The following DGKD variants were observed in gnomAD, a reference collection of about 807,000 sequenced individuals.
DGKD encodes the protein DAG kinase delta.
A neutral mutation model predicts 154.4 loss-of-function variants in DGKD; 68 were observed. That is an observed-to-expected ratio of 0.44 (90% CI 0.36 to 0.54). The LOEUF (loss-of-function observed/expected upper bound fraction) is 0.54. DGKD is among the 20% of genes least tolerant of loss of function. The pLI, the probability that DGKD is intolerant of heterozygous loss-of-function variation, is 0.00. For missense variants in DGKD, 1,343 were observed against 1,593.6 expected, an observed-to-expected ratio of 0.84 and a Z score of 2.68; for synonymous variants, 693 against 638.0, an observed-to-expected ratio of 1.09 and a Z score of -1.30.
chr2:233,418,043 C>A (rs2062002917), intron 3 of DGKD, among the ~76,000 whole-genome samples: 1 of 152,192 alleles, frequency 6.6e-6, no homozygotes, highest in South Asian at 2.1e-4. Flanking sequence ...ATTAAATACA[C>A]TTTAGTTTTA....
intron 3 of DGKD, among the ~76,000 whole-genome samples, chr2:233,415,798 AT>A (rs1017909584): frequency 5.9e-5 from 9 of 151,702 alleles, no homozygotes; most frequent in Non-Finnish European, 1.2e-4. Flanking sequence ...TAATTTATAA[AT>A]TTTTTTTGTA....
rs1208930391 is a variant in DGKD at position 233,458,848 on chromosome 2, C to T, written c.2694+451C>T. ...ACCTCAAATGATCCACCCACCTTGGCCTCCCAAAGTGTTGGGATTACAGGT... is the reference window on the plus strand; with the variant it reads ...ACCTCAAATGATCCACCCACCTTGGTCTCCCAAAGTGTTGGGATTACAGGT... On this transcript the variant is annotated intron_variant, in intron 22 of 29. Coordinates refer to ENST00000264057, the MANE Select transcript of DGKD (RefSeq NM_152879.3). This position sits in a 1 kb window ranked among gnomAD's most constrained non-coding sequence, Gnocchi z 6.6. Among the ~76,000 whole-genome samples the T allele has an allele frequency of 6.6e-6, 1 of 152,128 alleles. No homozygotes were observed. The highest frequency in any genetic ancestry group is 1.5e-5 in the Non-Finnish European group (1 of 68,032).
chr2:233,376,621 C>T (rs943488778), intron 1 of DGKD, among the ~76,000 whole-genome samples: 1 of 151,916 alleles, frequency 6.6e-6, no homozygotes, highest in Non-Finnish European at 1.5e-5. Flanking sequence ...ACTTTAAGTT[C>T]TAGGGTCCTT....
Position 233,445,770 on chromosome 2 carries a change from G to A in DGKD, c.1334+8G>A, listed in dbSNP as rs1324969900. 1 of 1,607,918 alleles carries A rather than the reference G, an allele frequency of 6.2e-7. No individual in the cohort carries two copies. Among genetic ancestry groups the A allele is most frequent in the Non-Finnish European group, 8.5e-7 (1 of 1,176,750 alleles). ...CACCAAGATGCTGGACAGGTGAGTGGGGATGTGCTCCGGTGCCGTATGAGG... is the reference window on the plus strand; with the variant it reads ...CACCAAGATGCTGGACAGGTGAGTGAGGATGTGCTCCGGTGCCGTATGAGG... On this transcript the variant is annotated splice_region_variant and intron_variant, in intron 11 of 29. Coordinates refer to ENST00000264057, the MANE Select transcript of DGKD (RefSeq NM_152879.3). The surrounding 1 kb of genome is among the most constrained non-coding windows in gnomAD (Gnocchi z 5.5).
chr2:233,410,265 G>A (rs567759517), intron 3 of DGKD, among the ~76,000 whole-genome samples: 3 of 152,294 alleles, frequency 2.0e-5, no homozygotes, highest in Non-Finnish European at 4.4e-5. Flanking sequence ...AAGAAAGAGG[G>A]GGGGCTCAAG....
chr2:233,401,431 C>G (rs1252889903), intron 3 of DGKD, among the ~76,000 whole-genome samples: 1 of 152,134 alleles, frequency 6.6e-6, no homozygotes, highest in Non-Finnish European at 1.5e-5. Flanking sequence ...TGAATAATAA[C>G]TTTAATTGAA....
intron 1 of DGKD, among the ~76,000 whole-genome samples, chr2:233,373,091 A>G (rs1436883618): frequency 1.3e-5 from 2 of 152,070 alleles, no homozygotes; most frequent in African/African-American, 4.8e-5. Flanking sequence ...CTTCACCTTC[A>G]CAACTTCATG....
chr2:233,371,574 C>T (rs1008012551), intron 1 of DGKD, among the ~76,000 whole-genome samples: 4 of 152,140 alleles, frequency 2.6e-5, no homozygotes, highest in African/African-American at 4.8e-5. Context: ...TTTTGTTGCT[C>T]GTGCTTTTGG....
At chr2:233,387,316 C>T (rs1323471138) in intron 1 of DGKD, among the ~76,000 whole-genome samples, 1 of 152,178 alleles carries the variant, frequency 6.6e-6, no homozygotes, top group Non-Finnish European at 1.5e-5. Flanking sequence ...TTTTAGGAAG[C>T]CTCCCTCCAT....
Position 233,462,344 on chromosome 2 carries a change from C to G in DGKD, c.2982-4C>G. On this transcript the variant is annotated splice_polypyrimidine_tract_variant and splice_region_variant and intron_variant, in intron 24 of 29. Transcript: ENST00000264057. ...CATCTGCCCGTGCTTCTCTTCCTCT[C>G]TAGTATCCGAGAAATAGCTCAGTCT... 6.3e-7 allele frequency: 1 copy of G among 1,595,750 alleles called. No individual in the cohort carries two copies. Among genetic ancestry groups the G allele is most frequent in the South Asian group, 1.1e-5 (1 of 90,466 alleles).
In DGKD at chr2:233,445,722, T is replaced by G; in HGVS notation, c.1294T>G (p.Leu432Val). ...TGACGACACCCAGCTCCCCCAGATC[T>G]TGGAGAAGTTGGAGAGAGCCAGCAC... ...CDDDTQLPQI[L>V]EKLERASTKM... The change falls in exon 11 of 30, where the codon TTG becomes GTG. Residue 432 changes from leucine (L) to valine (V), a missense_variant. Coordinates refer to ENST00000264057, the MANE Select transcript of DGKD (RefSeq NM_152879.3). This position sits in a 1 kb window ranked among gnomAD's most constrained non-coding sequence, Gnocchi z 5.5. 1 of 1,613,390 alleles carries G rather than the reference T, an allele frequency of 6.2e-7. No homozygotes were observed. The highest frequency in any genetic ancestry group is 8.5e-7 in the Non-Finnish European group (1 of 1,179,672).
chr2:233,460,122 T>A, intron 23 of DGKD, 72 bp from the exon 24 acceptor site: 2 of 1,562,394 alleles, frequency 1.3e-6, no homozygotes, highest in Non-Finnish European at 1.7e-6. Context: ...CTCGTTGGCA[T>A]CCCCATAGTG....
chr2:233,392,341 A>T (rs1362209197), intron 3 of DGKD: 1 of 152,070 alleles, frequency 6.6e-6, no homozygotes, highest in African/African-American at 2.4e-5. Flanking sequence ...ATTAATTTAG[A>T]TGTTCATTTT....
At chr2:233,454,305 GCTAA>G (rs1160842037) in intron 18 of DGKD, 2 of 456,004 alleles carry the variant, frequency 4.4e-6, no homozygotes, top group Non-Finnish European at 9.0e-6. Flanking sequence ...AAAATGAAGC[GCTAA>G]CACATGTTAT....
rs1007931083 is a variant in DGKD, at chr2:233,457,747, G to C, written c.2580+419G>C. ...GCAGGCACATGGAGGATGGGAGAGA[G>C]GTGCCCCGACTGCAGTGGGCAGCAG... On this transcript the variant is annotated intron_variant, in intron 21 of 29. Coordinates refer to ENST00000264057, the MANE Select transcript of DGKD (RefSeq NM_152879.3). The surrounding 1 kb of genome is among the most constrained non-coding windows in gnomAD (Gnocchi z 5.5). The C allele has an allele frequency of 3.5e-5, 13 of 373,406 alleles. No individual in the cohort carries two copies. The highest frequency in any genetic ancestry group is 2.4e-4 in the South Asian group (12 of 49,680). The allele number at this position is 373,406 out of a possible 1,614,324, so 23.1% of individuals were successfully genotyped here. A position where few individuals can be genotyped will look rare whatever the true frequency, so the allele number is the denominator to read the frequency against.
At chr2:233,371,078 G>A (rs1433302865) in intron 1 of DGKD, among the ~76,000 whole-genome samples, 1 of 152,018 alleles carries the variant, frequency 6.6e-6, no homozygotes, top group Non-Finnish European at 1.5e-5. Flanking sequence ...TTTTGGGTAC[G>A]TACATGTGAG....
At chr2:233,393,683 G>GTT (rs528368593) in intron 3 of DGKD, among the ~76,000 whole-genome samples, 10 of 128,380 alleles carry the variant, frequency 7.8e-5, no homozygotes, top group Admixed American at 1.6e-4. Flanking sequence ...ATGTGTATTG[G>GTT]TTTTTTTTTT....
intron 1 of DGKD, among the ~76,000 whole-genome samples, chr2:233,373,193 A>T (rs1448765562): frequency 6.6e-6 from 1 of 152,232 alleles, no homozygotes; most frequent in Non-Finnish European, 1.5e-5. Flanking sequence ...GAGGTCAGCA[A>T]CAGGGACGGT....
chr2:233,417,939 A>G (rs2061999189), intron 3 of DGKD, among the ~76,000 whole-genome samples: 1 of 152,222 alleles, frequency 6.6e-6, no homozygotes, highest in African/African-American at 2.4e-5. Context: ...ACAGCCTCAC[A>G]ACAAAGAATT....
Sources: gnomAD v4.1 joint callset for allele counts (sites outside exome capture counted in the v4.1 genomes callset) on GRCh38, gnomAD v4.1.1 for gene constraint, Gnocchi (gnomAD v3.1) non-coding constraint, MANE v1.5 for transcripts, NCBI Gene and HGNC (gene_info 2026-07-23, HGNC 2026-07-21) for gene names.